RAP1GAP2: variants seen among roughly 807,000 people sequenced by gnomAD.
RAP1GAP2 encodes rap1 GTPase-activating protein 2.
A neutral mutation model predicts 95.0 loss-of-function variants in RAP1GAP2; 27 were observed. The ratio of observed to expected loss-of-function variants is 0.28; its 90% CI spans 0.21 to 0.39. The LOEUF is 0.39. Ranked by LOEUF, RAP1GAP2 falls within the 10% of genes least tolerant of loss-of-function variation. RAP1GAP2 has a pLI of 1.00. For missense variants in RAP1GAP2, 771 were observed against 970.0 expected, an observed-to-expected ratio of 0.79 and a Z score of 2.72; for synonymous variants, 373 against 380.9, an observed-to-expected ratio of 0.98 and a Z score of 0.24.
chr17:2,851,646 G>A (rs373964545), intron 2 of RAP1GAP2, among the ~76,000 whole-genome samples: 22 of 152,308 alleles, frequency 1.4e-4, no homozygotes, highest in African/African-American at 4.8e-4. Flanking sequence ...CACTGGGCTT[G>A]TAGAAGGACT....
intron 2 of RAP1GAP2, among the ~76,000 whole-genome samples, chr17:2,828,139 G>T (rs11657279): frequency 6.6e-6 from 1 of 151,928 alleles, no homozygotes; most frequent in African/African-American, 2.4e-5. Context: ...TCAGGAGTTC[G>T]AGACCAGCCT....
intron 4 of RAP1GAP2, among the ~76,000 whole-genome samples, chr17:2,960,134 A>C (rs1307546989): frequency 4.0e-5 from 6 of 151,354 alleles, no homozygotes; most frequent in Admixed American, 2.0e-4. Context: ...AAAAAAAAAA[A>C]AAAAAAACAA....
chr17:3,001,002 A>T (rs561600497), intron 14 of RAP1GAP2, among the ~76,000 whole-genome samples: 1 of 15,582 alleles, frequency 6.4e-5, no homozygotes, highest in South Asian at 2.3e-3. Context: ...TAACAGTATC[A>T]GCCTCAGGGC....
At chr17:2,839,885 G>A (rs1281314787) in intron 2 of RAP1GAP2, among the ~76,000 whole-genome samples, 7 of 151,992 alleles carry the variant, frequency 4.6e-5, no homozygotes, top group Non-Finnish European at 7.4e-5. Flanking sequence ...TGCAACCTCC[G>A]CCTCCTGGGT....
In RAP1GAP2 at chr17:2,855,722, C is replaced by T. The variant is rs1434796337; in HGVS notation, c.81-49562C>T. ...CCACCTCCTGGGCTCAAACAATTCT[C>T]GGGCCTCAGCCTCCGGAGTAGCTGG... On this transcript the variant is annotated intron_variant, in intron 2 of 24. Coordinates refer to ENST00000254695, the MANE Select transcript of RAP1GAP2 (RefSeq NM_015085.5). The surrounding 1 kb of genome is among the most constrained non-coding windows in gnomAD (Gnocchi z 4.3). Among the ~76,000 whole-genome samples the T allele has an allele frequency of 5.3e-5, 8 of 152,176 alleles. No homozygotes were observed. Among genetic ancestry groups the T allele is most frequent in the Admixed American group, 6.5e-5 (1 of 15,270 alleles).
chr17:3,022,168 G>A (rs1358447194), intron 19 of RAP1GAP2, among the ~76,000 whole-genome samples: 1 of 152,142 alleles, frequency 6.6e-6, no homozygotes, highest in Non-Finnish European at 1.5e-5. Context: ...CTGTCTTTTT[G>A]ATAAAAGCCA....
chr17:2,945,933 G>A (rs2043683169), intron 3 of RAP1GAP2, among the ~76,000 whole-genome samples: 1 of 151,994 alleles, frequency 6.6e-6, no homozygotes, highest in Non-Finnish European at 1.5e-5. Flanking sequence ...GGGATTATAG[G>A]CACGTGCCAC....
chr17:2,834,425 G>T (rs183627386), intron 2 of RAP1GAP2, among the ~76,000 whole-genome samples: 27 of 152,336 alleles, frequency 1.8e-4, no homozygotes, highest in Admixed American at 1.8e-3. Flanking sequence ...GAGTCTGGCA[G>T]TTGGGTGGGA....
intron 2 of RAP1GAP2, among the ~76,000 whole-genome samples, chr17:2,804,033 G>A (rs991832864): frequency 3.9e-5 from 6 of 152,220 alleles, no homozygotes; most frequent in African/African-American, 1.4e-4. Context: ...GAATTGATGA[G>A]GCAGCCAAAT....
At chr17:2,956,616 GC>G (rs2044116969) in intron 3 of RAP1GAP2, among the ~76,000 whole-genome samples, 1 of 152,340 alleles carries the variant, frequency 6.6e-6, no homozygotes, top group African/African-American at 2.4e-5. Flanking sequence ...TCCCGGCTTC[GC>G]GGTGCCCAGA....
At chr17:2,874,350 A>C (rs1430873132) in intron 2 of RAP1GAP2, among the ~76,000 whole-genome samples, 1 of 152,116 alleles carries the variant, frequency 6.6e-6, no homozygotes, top group Non-Finnish European at 1.5e-5. Context: ...TTTCAGAAAA[A>C]TTCATAGCTC....
rs766142283 is a variant in RAP1GAP2 at position 2,985,081 on chromosome 17, C to G, written c.813+15C>G. The G allele has an allele frequency of 5.7e-5, 92 of 1,613,594 alleles. 1 individual carries two copies. In the Admixed American group the frequency reaches 1.5e-3, roughly 26 times the overall value. ...AAGCCAGGCAGGTAAGCAGCACCAT[C>G]CATACCGGTGACTGTATCCCGTGGT... On this transcript the variant is annotated intron_variant, in intron 11 of 24. Transcript: ENST00000254695.
At chr17:2,900,150 G>A (rs528746343) in intron 2 of RAP1GAP2, among the ~76,000 whole-genome samples, 3 of 152,286 alleles carry the variant, frequency 2.0e-5, no homozygotes, top group Non-Finnish European at 2.9e-5. Flanking sequence ...CCGTGTGGAG[G>A]GGGCCTTACA....
At chr17:2,982,582 A>C (rs897831007) in intron 10 of RAP1GAP2, among the ~76,000 whole-genome samples, 1 of 152,126 alleles carries the variant, frequency 6.6e-6, no homozygotes, top group African/African-American at 2.4e-5. Flanking sequence ...CTGTTTTAGC[A>C]TCTGTTGATA....
rs193134657 is a variant in RAP1GAP2, at chr17:3,006,496, C to T, written c.1359+455C>T. 7.3e-3 allele frequency among the ~76,000 whole-genome samples: 1,061 copies of T among 145,156 alleles called. 12 individuals are homozygous for T. Among genetic ancestry groups the T allele is most frequent in the Non-Finnish European group, 0.011 (760 of 66,728 alleles). ...TCACCCAGGCTGGAGTGCAGTGGCCCGATCTTGGCTCACTGCAAGCTCTGC... is the reference window on the plus strand; with the variant it reads ...TCACCCAGGCTGGAGTGCAGTGGCCTGATCTTGGCTCACTGCAAGCTCTGC... On this transcript the variant is annotated intron_variant, in intron 16 of 24. Transcript: ENST00000254695.
intron 2 of RAP1GAP2, among the ~76,000 whole-genome samples, chr17:2,891,824 T>TTTTTC (rs1567748991): frequency 2.2e-5 from 2 of 91,224 alleles, no homozygotes; most frequent in East Asian, 2.7e-4. Context: ...CTTTTTTTTT[T>TTTTTC]TTTTTTTTTT....
Position 2,802,030 on chromosome 17 carries a change from A to G in RAP1GAP2, c.80+1480A>G, listed in dbSNP as rs117048096. On this transcript the variant is annotated intron_variant, in intron 2 of 24. Coordinates refer to ENST00000254695, the MANE Select transcript of RAP1GAP2 (RefSeq NM_015085.5). ...GTGAATTGAAAAGGAGGGAAATTCT[A>G]GGAGGAAAAAAGCATTGGCCTCTAG... 8.3e-3 allele frequency among the ~76,000 whole-genome samples: 1,258 copies of G among 152,324 alleles called. 4 individuals carry two copies. The highest frequency in any genetic ancestry group is 0.078 in the Middle Eastern group (23 of 294).
At chr17:2,961,340 C>A (rs1473251762) in intron 4 of RAP1GAP2, among the ~76,000 whole-genome samples, 1 of 152,204 alleles carries the variant, frequency 6.6e-6, no homozygotes, top group Non-Finnish European at 1.5e-5. Context: ...CATGGTGAAA[C>A]CTCGTCTCTA....
At chr17:2,837,065 A>G (rs1013899865) in intron 2 of RAP1GAP2, among the ~76,000 whole-genome samples, 2 of 152,104 alleles carry the variant, frequency 1.3e-5, no homozygotes, top group Admixed American at 6.6e-5. Flanking sequence ...AGTGTGGGCA[A>G]CAAGGTGAGA....
Sources: allele counts gnomAD v4.1 joint callset (sites outside exome capture counted in the v4.1 genomes callset), GRCh38; gene constraint gnomAD v4.1.1; non-coding constraint Gnocchi (gnomAD v3.1); transcripts MANE v1.5; gene names NCBI Gene and HGNC (gene_info 2026-07-23, HGNC 2026-07-21).